CUX2: variants seen among roughly 807,000 people sequenced by gnomAD.
CUX2 encodes the protein homeobox protein cut-like 2.
In CUX2, 40 loss-of-function variants were observed where a neutral mutation model predicts 144.8. The observed-to-expected ratio is 0.28, with a 90% confidence interval of 0.21 to 0.36. The LOEUF (loss-of-function observed/expected upper bound fraction) is 0.36, where lower values mean the gene tolerates loss of function less well. CUX2 is among the 10% of genes least tolerant of loss of function. CUX2 has a pLI of 1.00. For missense variants in CUX2, 1,615 were observed against 1,994.0 expected (o/e 0.81, Z 3.62); for synonymous variants, 827 against 875.6 (o/e 0.94, Z 0.98).
At chr12:111,275,995 A>G (rs923663179) in intron 4 of CUX2, among the ~76,000 whole-genome samples, 1 of 152,156 alleles carries the variant, frequency 6.6e-6, no homozygotes, top group African/African-American at 2.4e-5. Context: ...CTTATGATAC[A>G]AGATCCCGAT....
chr12:111,061,671 G>A lies in CUX2; in HGVS notation c.63+27431G>A, dbSNP rs1269531645. Among the ~76,000 whole-genome samples, 2 of 152,150 alleles carry A rather than the reference G, an allele frequency of 1.3e-5. No homozygotes were observed. The highest frequency in any genetic ancestry group is 4.8e-5 in the African/African-American group (2 of 41,424). On this transcript the variant is annotated intron_variant, in intron 1 of 21. Transcript: ENST00000261726. The surrounding 1 kb of genome is among the most constrained non-coding windows in gnomAD (Gnocchi z 4.2). Reference sequence around the variant, plus strand: ...CTCCACGTCATTTTGCTGTCTTTCGGACAAGCGTTTTACCTGCCCGATGTT... The same window carrying A: ...CTCCACGTCATTTTGCTGTCTTTCGAACAAGCGTTTTACCTGCCCGATGTT...
chr12:111,310,057 G>T lies in CUX2; in HGVS notation c.1275G>T (p.Glu425Asp). Reference protein sequence around the residue: ...LLASPEEDPSEDDSIKDSLGT... With the variant: ...LLASPEEDPSDDDSIKDSLGT... Reference sequence around the variant, plus strand: ...GTGTTCTAGAGGAAGACCCATCAGAGGACGATTCCATCAAGGATTCACTGG... The same window carrying T: ...GTGTTCTAGAGGAAGACCCATCAGATGACGATTCCATCAAGGATTCACTGG... The change falls in exon 15 of 22, where the codon GAG becomes GAT. Residue 425 changes from glutamate (E) to aspartate (D), a missense_variant. Glu to Asp is a conservative substitution (Grantham distance 45). Around this residue, in one of 12 missense-constraint regions of CUX2, gnomAD observed 57 missense variants for 60.8 expected, o/e 0.94. Transcript: ENST00000261726. The surrounding 1 kb of genome is among the most constrained non-coding windows in gnomAD (Gnocchi z 7.9). 1 of 1,361,224 alleles carries T rather than the reference G, an allele frequency of 7.3e-7. No homozygotes were observed. The highest frequency in any genetic ancestry group is 2.0e-5 in the South Asian group (1 of 49,152). 84.3% of individuals were successfully genotyped at this position (1,361,224 alleles called of 1,614,324 possible). A position where few individuals can be genotyped will look rare whatever the true frequency, so the allele number is the denominator to read the frequency against.
At chr12:111,264,457 G>A (rs969753391) in intron 4 of CUX2, among the ~76,000 whole-genome samples, 1 of 152,218 alleles carries the variant, frequency 6.6e-6, no homozygotes, top group Admixed American at 6.5e-5. Context: ...ATGGAGGGCC[G>A]GGTACAGGGG....
intron 4 of CUX2, among the ~76,000 whole-genome samples, chr12:111,280,444 A>G (rs1285418955): frequency 6.6e-6 from 1 of 152,152 alleles, no homozygotes; most frequent in Admixed American, 6.5e-5. Flanking sequence ...AGCCTTGGAG[A>G]GAGCATGGCC....
rs1200907727 is a variant in CUX2 at position 111,214,272 on chromosome 12, A to G, written c.136A>G (p.Ile46Val). ...GAGTGAACATTCTCATAAACATTTA[A>G]TTGAACTCCGCCGGGAATTTAAGAA... ...EESEHSHKHL[I>V]ELRREFKKNV... Residue 46 changes from isoleucine (I) to valine (V), a missense_variant, in exon 2 of 22, where the codon ATT becomes GTT. Transcript: ENST00000261726. 4.4e-6 allele frequency: 7 copies of G among 1,608,778 alleles called. No individual in the cohort carries two copies. The highest frequency in any genetic ancestry group is 2.2e-5 in the East Asian group (1 of 44,612).
At chr12:111,154,494 A>G (rs1225186493) in intron 1 of CUX2, among the ~76,000 whole-genome samples, 1 of 152,088 alleles carries the variant, frequency 6.6e-6, no homozygotes, top group African/African-American at 2.4e-5. Flanking sequence ...CTTTTTGATC[A>G]TCGTAACCTT....
In CUX2 at chr12:111,109,168, G is replaced by A. The variant is rs140343868; in HGVS notation, c.63+74928G>A. Reference sequence around the variant, plus strand: ...ATTAGGGGTTGCTAAATGTGCTTACGTTCTTCCTGTCCCTCTTTCTCTCTC... The same window carrying A: ...ATTAGGGGTTGCTAAATGTGCTTACATTCTTCCTGTCCCTCTTTCTCTCTC... On this transcript the variant is annotated intron_variant, in intron 1 of 21. Transcript: ENST00000261726. 1.8e-3 allele frequency among the ~76,000 whole-genome samples: 272 copies of A among 152,226 alleles called. 5 individuals are homozygous for A. Among genetic ancestry groups the A allele is most frequent in the Admixed American group, 0.012 (177 of 15,294 alleles).
intron 8 of CUX2, 45 bp downstream of exon 8, chr12:111,296,584 C>T (rs1156272271): frequency 1.9e-6 from 3 of 1,540,702 alleles, no homozygotes; most frequent in Non-Finnish European, 2.7e-6. Flanking sequence ...TGGAGGCCTC[C>T]CAGACAGGCC....
intron 1 of CUX2, among the ~76,000 whole-genome samples, chr12:111,105,998 G>C (rs1873581352): frequency 6.6e-6 from 1 of 151,594 alleles, no homozygotes. Flanking sequence ...TTGAGTAGCT[G>C]GGACTACAGG....
At chr12:111,159,870 C>T (rs768764635) in intron 1 of CUX2, among the ~76,000 whole-genome samples, 1 of 152,134 alleles carries the variant, frequency 6.6e-6, no homozygotes, top group Non-Finnish European at 1.5e-5. Context: ...ACTAAAAATA[C>T]AAAAATTAGC....
chr12:111,342,063 T>TG lies in CUX2; in HGVS notation c.3659+15dup, dbSNP rs763796353. On this transcript the variant is annotated intron_variant, in intron 21 of 21. Coordinates refer to ENST00000261726, the MANE Select transcript of CUX2 (RefSeq NM_015267.4). The stretch of plus-strand genomic sequence containing the variant: ...GGTTCCACAACTACAGGTGGGACTA[T>TG]GGGGGCGTACCCACAGGCGGGTGGC... 2 of 1,605,576 alleles carry TG rather than the reference T, an allele frequency of 1.2e-6. No individual in the cohort carries two copies. Among genetic ancestry groups the TG allele is most frequent in the Non-Finnish European group, 1.7e-6 (2 of 1,175,372 alleles).
chr12:111,087,011 A>G lies in CUX2; in HGVS notation c.63+52771A>G, dbSNP rs561886576. 3.9e-5 allele frequency among the ~76,000 whole-genome samples: 6 copies of G among 152,318 alleles called. No homozygotes were observed. The South Asian group carries it at 8.3e-4, about 21-fold the overall frequency. On this transcript the variant is annotated intron_variant, in intron 1 of 21. Coordinates refer to ENST00000261726, the MANE Select transcript of CUX2 (RefSeq NM_015267.4). Reference sequence around the variant, plus strand: ...TCAAGTGACATACTTTTTATAGCCTATGAAATAGGAATGGACATAGTAAGT... The same window carrying G: ...TCAAGTGACATACTTTTTATAGCCTGTGAAATAGGAATGGACATAGTAAGT...
chr12:111,097,022 G>T (rs1051625804), intron 1 of CUX2, among the ~76,000 whole-genome samples: 2 of 152,090 alleles, frequency 1.3e-5, no homozygotes, highest in African/African-American at 4.8e-5. Context: ...CTAAGATCTT[G>T]GCTTCAGAAG....
intron 1 of CUX2, among the ~76,000 whole-genome samples, chr12:111,205,872 C>T (rs1880892547): frequency 6.6e-6 from 1 of 152,230 alleles, no homozygotes; most frequent in Non-Finnish European, 1.5e-5. Context: ...ATAGCATTCA[C>T]TCATTCATTC....
At position 111,307,831 on chromosome 12, in the gene CUX2, A is replaced by G. The variant is rs1021996898; in HGVS notation, c.1110-454A>G. Among the ~76,000 whole-genome samples, 1 of 152,074 alleles carries G rather than the reference A, an allele frequency of 6.6e-6. No homozygotes were observed. The highest frequency in any genetic ancestry group is 2.4e-5 in the African/African-American group (1 of 41,410). On this transcript the variant is annotated intron_variant, in intron 12 of 21. Coordinates refer to ENST00000261726, the MANE Select transcript of CUX2 (RefSeq NM_015267.4). The surrounding 1 kb of genome is among the most constrained non-coding windows in gnomAD (Gnocchi z 4.1). Reference sequence around the variant, plus strand: ...AACCCTGTCTCTACTAAAAATACAGAAATTAGCCAGGTGTGGTGGCGCTCA... The same window carrying G: ...AACCCTGTCTCTACTAAAAATACAGGAATTAGCCAGGTGTGGTGGCGCTCA...
intron 1 of CUX2, among the ~76,000 whole-genome samples, chr12:111,123,219 G>C (rs1874803328): frequency 6.6e-6 from 1 of 152,050 alleles, no homozygotes; most frequent in African/African-American, 2.4e-5. Flanking sequence ...GTCTCCCTCT[G>C]TCGCCCAGGC....
At position 111,112,193 on chromosome 12, in the gene CUX2, G is replaced by A. The variant is rs150872029; in HGVS notation, c.63+77953G>A. ...TTTGCCCATGTCAACGGGGAGGTGA[G>A]CAGGTGCTGTTAATTATTTAGGAAG... On this transcript the variant is annotated intron_variant, in intron 1 of 21. Coordinates refer to ENST00000261726, the MANE Select transcript of CUX2 (RefSeq NM_015267.4). Among the ~76,000 whole-genome samples the A allele has an allele frequency of 7.9e-5, 12 of 152,320 alleles. No homozygotes were observed. In the East Asian group the frequency reaches 2.3e-3, roughly 29 times the overall value.
intron 1 of CUX2, among the ~76,000 whole-genome samples, chr12:111,147,550 C>T (rs902819210): frequency 1.8e-4 from 28 of 152,222 alleles, no homozygotes; most frequent in African/African-American, 5.8e-4. Flanking sequence ...CCCACCCTCT[C>T]GTGCTCTAGG....
rs563624824 is a variant in CUX2, at chr12:111,207,720, A to G, written c.64-6480A>G. ...ATATGGTGTAATAGACTCTCAATAAATGTTAACTATGAGCTATTGTTTCCT... is the reference window on the plus strand; with the variant it reads ...ATATGGTGTAATAGACTCTCAATAAGTGTTAACTATGAGCTATTGTTTCCT... On this transcript the variant is annotated intron_variant, in intron 1 of 21. Transcript: ENST00000261726. Among the ~76,000 whole-genome samples the G allele has an allele frequency of 2.0e-3, 303 of 152,304 alleles. 4 individuals carry two copies. The highest frequency in any genetic ancestry group is 7.2e-3 in the African/African-American group (299 of 41,572).
Sources: allele counts gnomAD v4.1 joint callset (sites outside exome capture counted in the v4.1 genomes callset), GRCh38; gene constraint gnomAD v4.1.1; regional missense constraint gnomAD v4.1.1; non-coding constraint Gnocchi (gnomAD v3.1); transcripts MANE v1.5; gene names NCBI Gene and HGNC (gene_info 2026-07-23, HGNC 2026-07-21).